MACROD2: variants seen among roughly 807,000 people sequenced by gnomAD.
MACROD2 encodes ADP-ribose glycohydrolase MACROD2.
In MACROD2, 36 loss-of-function variants were observed where a neutral mutation model predicts 70.4. The observed-to-expected ratio is 0.51, with a 90% CI of 0.39 to 0.68. The LOEUF (loss-of-function observed/expected upper bound fraction) is 0.68, where lower values mean the gene tolerates loss of function less well. Among genes scored for constraint, MACROD2 ranks in the 30% least tolerant of loss-of-function variants. The probability of loss-of-function intolerance (pLI) is 0.00; values close to 1 mark genes in which losing one functional copy is unlikely to be tolerated. For synonymous variants in MACROD2, 172 were observed against 178.8 expected (o/e 0.96, Z 0.30); for missense variants, 496 against 538.4 (o/e 0.92, Z 0.78).
At chr20:15,413,160 A>G (rs796894522) in intron 6 of MACROD2, among the ~76,000 whole-genome samples, 1 of 152,320 alleles carries the variant, frequency 6.6e-6, no homozygotes, top group African/African-American at 2.4e-5. Context: ...TAATCTTGCA[A>G]GCTTGTGCAT....
In MACROD2 at chr20:15,528,279, C is replaced by T. The variant is rs193072706; in HGVS notation, c.645+28432C>T. On this transcript the variant is annotated intron_variant, in intron 8 of 17. Transcript: ENST00000684519. ...CCTCCTGAGTAGCTGGGACTACAGG[C>T]ATGTGCCACCACACCCAGCTAATTT... Among the ~76,000 whole-genome samples the T allele has an allele frequency of 2.6e-3, 390 of 152,266 alleles. 7 individuals carry two copies. The East Asian group carries it at 0.049, about 19-fold the overall frequency.
intron 8 of MACROD2, among the ~76,000 whole-genome samples, chr20:15,649,510 A>G (rs1300329458): frequency 1.3e-5 from 2 of 152,100 alleles, no homozygotes; most frequent in Admixed American, 6.6e-5. Flanking sequence ...TCATAGCCTC[A>G]ACTCTCACTG....
intron 6 of MACROD2, among the ~76,000 whole-genome samples, chr20:15,340,053 T>C (rs2078090848): frequency 6.6e-6 from 1 of 151,844 alleles, no homozygotes; most frequent in Non-Finnish European, 1.5e-5. Context: ...CTTTCTTTTA[T>C]TTTTCACCAG....
At chr20:15,586,491 C>T (rs2048603494) in intron 8 of MACROD2, among the ~76,000 whole-genome samples, 2 of 152,228 alleles carry the variant, frequency 1.3e-5, no homozygotes, top group African/African-American at 4.8e-5. Flanking sequence ...GCTTAAAAGT[C>T]AGAGCATATA....
chr20:14,814,721 AT>A (rs1245386429), intron 5 of MACROD2, among the ~76,000 whole-genome samples: 1 of 152,002 alleles, frequency 6.6e-6, no homozygotes, highest in Non-Finnish European at 1.5e-5. Flanking sequence ...GGCAACAAAA[AT>A]GACAAAGTTA....
chr20:14,579,203 G>A (rs1370781163), intron 4 of MACROD2, among the ~76,000 whole-genome samples: 1 of 135,522 alleles, frequency 7.4e-6, no homozygotes, highest in Non-Finnish European at 1.5e-5. Context: ...CTGCAGTGGC[G>A]CAATCTCGGC....
At chr20:15,226,023 T>C (rs764157214) in intron 5 of MACROD2, among the ~76,000 whole-genome samples, 20 of 152,332 alleles carry the variant, frequency 1.3e-4, no homozygotes, top group Middle Eastern at 3.4e-3. Context: ...TGAACCATGA[T>C]TGATGCTCAT....
At chr20:14,075,598 C>T (rs186974575) in intron 2 of MACROD2, among the ~76,000 whole-genome samples, 1 of 152,322 alleles carries the variant, frequency 6.6e-6, no homozygotes, top group Non-Finnish European at 1.5e-5. Flanking sequence ...GCTCCTCCTT[C>T]TCCCCTTGCC....
At chr20:14,678,371 C>T (rs1259571978) in intron 4 of MACROD2, among the ~76,000 whole-genome samples, 1 of 152,128 alleles carries the variant, frequency 6.6e-6, no homozygotes, top group African/African-American at 2.4e-5. Context: ...ACCAAATGGG[C>T]TTTGGTGAAC....
At chr20:15,811,244 AAAAAC>A (rs2063818502) in intron 8 of MACROD2, among the ~76,000 whole-genome samples, 1 of 151,862 alleles carries the variant, frequency 6.6e-6, no homozygotes, top group Non-Finnish European at 1.5e-5. Flanking sequence ...TTTACAAGAA[AAAAAC>A]AAACAACCCC....
intron 8 of MACROD2, among the ~76,000 whole-genome samples, chr20:15,814,189 A>G (rs1242009810): frequency 6.6e-6 from 1 of 152,220 alleles, no homozygotes; most frequent in Non-Finnish European, 1.5e-5. Context: ...TTGGACCTTA[A>G]CACTTTACTA....
intron 5 of MACROD2, among the ~76,000 whole-genome samples, chr20:15,021,266 G>GTGTATACACACACCTGTA (rs1182532373): frequency 7.8e-5 from 1 of 12,796 alleles, no homozygotes; most frequent in Non-Finnish European, 2.2e-4. Context: ...ACACACCTGT[G>GTGTATACACACACCTGTA]TGTGTGTATA....
chr20:14,794,479 T>C (rs1280079660), intron 5 of MACROD2, among the ~76,000 whole-genome samples: 2 of 152,126 alleles, frequency 1.3e-5, no homozygotes, highest in African/African-American at 2.4e-5. Context: ...ATTAGGAAAT[T>C]GTATATGAGG....
intron 9 of MACROD2, among the ~76,000 whole-genome samples, chr20:15,869,470 A>G (rs2147177864): frequency 6.6e-6 from 1 of 151,862 alleles, no homozygotes; most frequent in Admixed American, 6.6e-5. Context: ...TGACATAAAT[A>G]GTAAAATAAT....
At chr20:15,170,347 T>C (rs569015359) in intron 5 of MACROD2, among the ~76,000 whole-genome samples, 1 of 152,254 alleles carries the variant, frequency 6.6e-6, no homozygotes, top group East Asian at 1.9e-4. Context: ...GATTAAAGCA[T>C]AGCATAGGGA....
chr20:14,071,916 T>C (rs987544371), intron 2 of MACROD2, among the ~76,000 whole-genome samples: 10 of 152,062 alleles, frequency 6.6e-5, no homozygotes, highest in African/African-American at 2.4e-4. Flanking sequence ...CAAAACAATT[T>C]TAAAAAATCA....
At chr20:14,058,725 C>A (rs993784973) in intron 2 of MACROD2, among the ~76,000 whole-genome samples, 4 of 150,576 alleles carry the variant, frequency 2.7e-5, no homozygotes, top group Admixed American at 6.6e-5. Flanking sequence ...CTCACTGCAA[C>A]CTCTGCCTCC....
intron 5 of MACROD2, among the ~76,000 whole-genome samples, chr20:14,917,351 C>G (rs2074104783): frequency 2.6e-5 from 4 of 152,060 alleles, no homozygotes; most frequent in Admixed American, 2.6e-4. Flanking sequence ...TTTGAAACCA[C>G]TGCTGTGTGA....
rs766932793 is a variant in MACROD2 at position 14,995,348 on chromosome 20, G to A, written c.419-234592G>A. 5.9e-5 allele frequency among the ~76,000 whole-genome samples: 9 copies of A among 152,020 alleles called. No homozygotes were observed. In the South Asian group the frequency reaches 1.9e-3, roughly 32 times the overall value. On this transcript the variant is annotated intron_variant, in intron 5 of 17. Transcript: ENST00000684519. The stretch of plus-strand genomic sequence containing the variant: ...TTTACATATGAAAAATTAGACGTAA[G>A]ATGAATACTTAATTGACAAAAGAAG...
Sources: gnomAD v4.1 joint callset for allele counts (sites outside exome capture counted in the v4.1 genomes callset) on GRCh38, gnomAD v4.1.1 for gene constraint, MANE v1.5 for transcripts, NCBI Gene and HGNC (gene_info 2026-07-23, HGNC 2026-07-21) for gene names.